Variants in PHACTR1 observed in about 807,000 individuals in gnomAD.
The protein encoded by PHACTR1 is phosphatase and actin regulator 1, also known as RPEL repeat containing 1.
Under a neutral mutation model 69.2 loss-of-function variants are expected in PHACTR1, and 16 were observed. The ratio of observed to expected loss-of-function variants is 0.23; its 90% CI spans 0.16 to 0.35. The LOEUF is 0.35. Ranked by LOEUF, PHACTR1 falls within the 10% of genes least tolerant of loss-of-function variation. PHACTR1 has a pLI of 1.00. For missense variants in PHACTR1, 510 were observed against 734.7 expected, an observed-to-expected ratio of 0.69 and a Z score of 3.54; for synonymous variants, 312 against 284.5, an observed-to-expected ratio of 1.10 and a Z score of -0.97.
chr6:13,118,471 ATTTTTTT>A (rs140486749), intron 5 of PHACTR1, among the ~76,000 whole-genome samples: 1 of 72,812 alleles, frequency 1.4e-5, no homozygotes. Flanking sequence ...AACCAGGGCC[ATTTTTTT>A]TTTTTTTTTT....
chr6:13,074,079 G>A (rs569332524), intron 5 of PHACTR1, among the ~76,000 whole-genome samples: 18 of 152,052 alleles, frequency 1.2e-4, no homozygotes, highest in African/African-American at 4.1e-4. Context: ...CACCATGTTG[G>A]TCAGGCTGGT....
At chr6:12,741,489 T>C (rs1264252921) in intron 3 of PHACTR1, among the ~76,000 whole-genome samples, 2 of 152,166 alleles carry the variant, frequency 1.3e-5, no homozygotes, top group Non-Finnish European at 2.9e-5. Flanking sequence ...ATATATATAC[T>C]TGTGTAACCA....
intron 5 of PHACTR1, among the ~76,000 whole-genome samples, chr6:13,128,477 G>A (rs1003205852): frequency 6.6e-6 from 1 of 151,784 alleles, no homozygotes; most frequent in Non-Finnish European, 1.5e-5. Flanking sequence ...ACTTCTGGAA[G>A]TGAAAGATAC....
Position 13,179,269 on chromosome 6 carries a change from G to A in PHACTR1, c.497-3250G>A, listed in dbSNP as rs1761831541. On this transcript the variant is annotated intron_variant, in intron 6 of 14. Transcript: ENST00000332995. This position sits in a 1 kb window ranked among gnomAD's most constrained non-coding sequence, Gnocchi z 4.2. ...AGCAACAACAACAACAACAAACCCA[G>A]TACTGATATATAAATAGCAGGACAT... Among the ~76,000 whole-genome samples, 2 of 151,966 alleles carry A rather than the reference G, an allele frequency of 1.3e-5. No homozygotes were observed. Among genetic ancestry groups the A allele is most frequent in the Admixed American group, 1.3e-4 (2 of 15,252 alleles).
intron 4 of PHACTR1, among the ~76,000 whole-genome samples, chr6:12,911,326 A>G (rs1786366434): frequency 6.6e-6 from 1 of 152,118 alleles, no homozygotes; most frequent in Non-Finnish European, 1.5e-5. Flanking sequence ...AGAAATCAAC[A>G]TTGGGGTTTT....
intron 3 of PHACTR1, among the ~76,000 whole-genome samples, chr6:12,727,964 T>G (rs1763007778): frequency 6.6e-6 from 1 of 152,108 alleles, no homozygotes; most frequent in Non-Finnish European, 1.5e-5. Context: ...ATATCCTTTT[T>G]CAATCATAAA....
chr6:12,970,492 C>T (rs768195188), intron 4 of PHACTR1, among the ~76,000 whole-genome samples: 12 of 152,042 alleles, frequency 7.9e-5, no homozygotes, highest in South Asian at 4.2e-4. Context: ...ATTCTTGGCC[C>T]GGCGTAGTGG....
At chr6:12,939,356 G>T (rs565740033) in intron 4 of PHACTR1, among the ~76,000 whole-genome samples, 1 of 152,250 alleles carries the variant, frequency 6.6e-6, no homozygotes, top group Non-Finnish European at 1.5e-5. Context: ...CAATCAACAA[G>T]AAGCAGTTTG....
chr6:13,124,717 T>A (rs1583464209), intron 5 of PHACTR1, among the ~76,000 whole-genome samples: 1 of 152,192 alleles, frequency 6.6e-6, no homozygotes, highest in South Asian at 2.1e-4. Context: ...GAGATAAGGG[T>A]GCCCGCATGG....
At chr6:12,969,677 A>T (rs920506642) in intron 4 of PHACTR1, among the ~76,000 whole-genome samples, 5 of 152,224 alleles carry the variant, frequency 3.3e-5, no homozygotes, top group Admixed American at 6.5e-5. Flanking sequence ...AATGTTAAGA[A>T]CAGGACAGGT....
intron 5 of PHACTR1, among the ~76,000 whole-genome samples, chr6:13,062,925 T>C (rs1031478241): frequency 1.7e-4 from 26 of 152,138 alleles, no homozygotes; most frequent in African/African-American, 5.1e-4. Flanking sequence ...ACAAAATTGA[T>C]AGGTTGAAAA....
chr6:13,120,282 T>C (rs1028194841), intron 5 of PHACTR1, among the ~76,000 whole-genome samples: 9 of 152,230 alleles, frequency 5.9e-5, no homozygotes, highest in Admixed American at 4.6e-4. Context: ...CCTTTTTTTT[T>C]CCTGGAGAAA....
intron 4 of PHACTR1, among the ~76,000 whole-genome samples, chr6:12,970,677 A>G (rs1794091890): frequency 6.6e-6 from 1 of 152,198 alleles, no homozygotes; most frequent in Admixed American, 6.5e-5. Context: ...CATCGTTTGA[A>G]CGCGGGCAGC....
At chr6:12,873,485 A>G (rs1782258328) in intron 4 of PHACTR1, among the ~76,000 whole-genome samples, 1 of 152,068 alleles carries the variant, frequency 6.6e-6, no homozygotes, top group East Asian at 1.9e-4. Flanking sequence ...ATAAACACAT[A>G]AGTGCGTTAC....
At chr6:12,947,697 T>A (rs192503783) in intron 4 of PHACTR1, among the ~76,000 whole-genome samples, 1 of 152,318 alleles carries the variant, frequency 6.6e-6, no homozygotes, top group East Asian at 1.9e-4. Flanking sequence ...GCAGTAGACT[T>A]CCGTGAATTA....
chr6:13,186,716 C>T (rs1203804327), intron 7 of PHACTR1, among the ~76,000 whole-genome samples: 1 of 152,202 alleles, frequency 6.6e-6, no homozygotes. Flanking sequence ...ATGCAGCTGT[C>T]CTCAACCTTT....
rs75472773 is a variant in PHACTR1 at position 12,732,305 on chromosome 6, C to A, written c.103+13458C>A. On this transcript the variant is annotated intron_variant, in intron 3 of 14. Coordinates refer to ENST00000332995, the MANE Select transcript of PHACTR1 (RefSeq NM_030948.6). ...TTCTTTTTACACACATGGGCACACA[C>A]AGATTTTTTTTGGGGGTGCTGTTTA... Among the ~76,000 whole-genome samples, 814 of 84,696 alleles carry A rather than the reference C, an allele frequency of 9.6e-3. 25 individuals carry two copies. In the East Asian group the frequency reaches 0.3, roughly 31 times the overall value. 55.6% of individuals were successfully genotyped at this position (84,696 alleles called of 152,430 possible). A position where few individuals can be genotyped will look rare whatever the true frequency, so the allele number is the denominator to read the frequency against.
At chr6:13,209,920 G>A (rs147801471) in intron 8 of PHACTR1, among the ~76,000 whole-genome samples, 21 of 152,234 alleles carry the variant, frequency 1.4e-4, no homozygotes, top group African/African-American at 5.1e-4. Context: ...TTCATTTAAG[G>A]ACTTCTCTAG....
intron 14 of PHACTR1, 61 bp downstream of exon 14, chr6:13,286,283 A>G (rs1781686310): frequency 7.2e-7 from 1 of 1,387,432 alleles, no homozygotes; most frequent in Non-Finnish European, 9.8e-7. Flanking sequence ...TTATCTCCAA[A>G]TAAAGCTCTC....
Sources: gnomAD v4.1 joint callset for allele counts (sites outside exome capture counted in the v4.1 genomes callset) on GRCh38, gnomAD v4.1.1 for gene constraint, Gnocchi (gnomAD v3.1) non-coding constraint, MANE v1.5 for transcripts, NCBI Gene and HGNC (gene_info 2026-07-23, HGNC 2026-07-21) for gene names.